LINGO2: variants seen among roughly 807,000 people sequenced by gnomAD.
The protein encoded by LINGO2 is leucine-rich repeat and immunoglobulin-like domain-containing nogo receptor-interacting protein 2.
Under a neutral mutation model 30.6 loss-of-function variants are expected in LINGO2, and 14 were observed. The observed-to-expected ratio is 0.46, with a 90% CI of 0.30 to 0.72. The LOEUF is 0.72. Among genes scored for constraint, LINGO2 ranks in the 30% least tolerant of loss-of-function variants. The pLI is 0.07. For synonymous variants in LINGO2, 317 were observed against 288.5 expected (o/e 1.10, Z -1.00); for missense variants, 729 against 751.7 (o/e 0.97, Z 0.35).
intron 4 of LINGO2, among the ~76,000 whole-genome samples, chr9:28,133,319 T>G (rs1330009028): frequency 2.6e-5 from 4 of 152,198 alleles, no homozygotes; most frequent in Admixed American, 1.3e-4. Flanking sequence ...GGTGATCTAT[T>G]ACTGTAGTTG....
chr9:29,040,729 T>TTA, the LINGO2 span, among the ~76,000 whole-genome samples: 4 of 152,038 alleles, frequency 2.6e-5, no homozygotes, highest in African/African-American at 9.6e-5. Flanking sequence ...ATTAGGATGT[T>TTA]ATTTCTAAAA....
At chr9:28,197,378 G>C (rs13301279) in intron 4 of LINGO2, among the ~76,000 whole-genome samples, 15,828 of 151,540 alleles carry the variant, frequency 0.1, 904 homozygotes, top group Middle Eastern at 0.16. Context: ...GTGTAGTAAA[G>C]ATTTAAAAAA....
chr9:28,740,149 T>C, the LINGO2 span, among the ~76,000 whole-genome samples: 1 of 150,846 alleles, frequency 6.6e-6, no homozygotes, highest in African/African-American at 2.5e-5. Flanking sequence ...TAAGAATTTC[T>C]TAGGTAAAAT....
intron 4 of LINGO2, among the ~76,000 whole-genome samples, chr9:28,177,715 T>C (rs751560203): frequency 5.3e-5 from 8 of 152,134 alleles, no homozygotes; most frequent in African/African-American, 9.7e-5. Context: ...GAAAAAGGAA[T>C]GGATTCAGAA....
chr9:28,691,411 A>G, the LINGO2 span, among the ~76,000 whole-genome samples: 1 of 152,158 alleles, frequency 6.6e-6, no homozygotes, highest in Non-Finnish European at 1.5e-5. Flanking sequence ...TTCCCACAAC[A>G]CAGTGAATGC....
chr9:28,995,571 G>A, the LINGO2 span, among the ~76,000 whole-genome samples: 33 of 152,078 alleles, frequency 2.2e-4, no homozygotes, highest in East Asian at 9.7e-4. Flanking sequence ...ACATGCGCAC[G>A]TATGTTTATT....
rs554179657 is a variant in LINGO2 at position 28,430,349 on chromosome 9, T to C, written c.-279+45591A>G. On this transcript the variant is annotated intron_variant, in intron 2 of 5. Coordinates refer to ENST00000379992, the Ensembl canonical transcript of LINGO2. ...CCTACAGCATAAAATTCAATCTTCC[T>C]AGTATGGCATATAAGATTTGTATAG... Among the ~76,000 whole-genome samples the C allele has an allele frequency of 2.0e-5, 3 of 152,264 alleles. No individual in the cohort carries two copies. The South Asian group carries it at 6.2e-4, about 32-fold the overall frequency.
chr9:28,616,925 G>C (rs1022272546), intron 1 of LINGO2, among the ~76,000 whole-genome samples: 1 of 152,064 alleles, frequency 6.6e-6, no homozygotes, highest in African/African-American at 2.4e-5. Context: ...ACAGAAACTA[G>C]GCCAGTACTG....
At chr9:28,199,071 A>T (rs1390878225) in intron 4 of LINGO2, among the ~76,000 whole-genome samples, 1 of 152,150 alleles carries the variant, frequency 6.6e-6, no homozygotes, top group Non-Finnish European at 1.5e-5. Context: ...CATCTGTAAT[A>T]CCATTTCTCA....
intron 4 of LINGO2, among the ~76,000 whole-genome samples, chr9:28,025,900 TAAA>T (rs1422428158): frequency 1.3e-5 from 2 of 152,082 alleles, no homozygotes; most frequent in Non-Finnish European, 2.9e-5. Context: ...AGTAGTAATT[TAAA>T]AATGCAAATC....
the LINGO2 span, among the ~76,000 whole-genome samples, chr9:28,868,593 G>T: frequency 2.8e-4 from 42 of 152,218 alleles, 1 homozygote; most frequent in African/African-American, 9.9e-4. Context: ...TAATTGTTTA[G>T]TTATTTGAAG....
Position 28,612,337 on chromosome 9 carries a change from A to G in LINGO2, c.-365+57863T>C, listed in dbSNP as rs369516912. Reference sequence around the variant, plus strand: ...CTCAGCATCCCAAAATGCTGGGAATATAGGCATCCGCCAGTGGCCCACATT... The same window carrying G: ...CTCAGCATCCCAAAATGCTGGGAATGTAGGCATCCGCCAGTGGCCCACATT... On this transcript the variant is annotated intron_variant, in intron 1 of 5. Coordinates refer to ENST00000379992, the Ensembl canonical transcript of LINGO2. Among the ~76,000 whole-genome samples the G allele has an allele frequency of 2.6e-4, 40 of 152,258 alleles. No homozygotes were observed. The South Asian group carries it at 7.7e-3, about 29-fold the overall frequency.
chr9:28,813,666 AACAG>A, the LINGO2 span, among the ~76,000 whole-genome samples: 7 of 152,334 alleles, frequency 4.6e-5, no homozygotes, highest in East Asian at 1.9e-4. Flanking sequence ...ACAGCGAATA[AACAG>A]ACAAACAAGG....
the LINGO2 span, among the ~76,000 whole-genome samples, chr9:29,077,582 C>CAAAGCAAA: frequency 6.9e-6 from 1 of 145,798 alleles, no homozygotes; most frequent in Non-Finnish European, 1.5e-5. Context: ...AAATATAAAA[C>CAAAGCAAA]AAAGCAAAAT....
intron 2 of LINGO2, among the ~76,000 whole-genome samples, chr9:28,419,830 A>G (rs1439287501): frequency 6.6e-6 from 1 of 152,036 alleles, no homozygotes; most frequent in Non-Finnish European, 1.5e-5. Context: ...ATATAAATTT[A>G]TTTTCAATTT....
At chr9:28,495,506 T>C (rs1362330754) in intron 1 of LINGO2, among the ~76,000 whole-genome samples, 1 of 152,168 alleles carries the variant, frequency 6.6e-6, no homozygotes, top group Non-Finnish European at 1.5e-5. Context: ...TTGTCAGGTT[T>C]GTCAAAGATC....
At chr9:28,175,956 T>A (rs1415573293) in intron 4 of LINGO2, among the ~76,000 whole-genome samples, 2 of 152,192 alleles carry the variant, frequency 1.3e-5, no homozygotes, top group Non-Finnish European at 2.9e-5. Flanking sequence ...TTTATACTGA[T>A]ATGACCTCAT....
intron 4 of LINGO2, among the ~76,000 whole-genome samples, chr9:28,025,083 G>A (rs1446041519): frequency 1.3e-5 from 2 of 152,152 alleles, no homozygotes; most frequent in African/African-American, 4.8e-5. Flanking sequence ...GGGCTGATGA[G>A]AATAATAATC....
At chr9:28,951,879 G>A in the LINGO2 span, among the ~76,000 whole-genome samples, 3 of 151,998 alleles carry the variant, frequency 2.0e-5, no homozygotes, top group South Asian at 4.2e-4. Context: ...AACAAGTATG[G>A]GACAAAGGAT....
Sources: allele counts gnomAD v4.1 joint callset (sites outside exome capture counted in the v4.1 genomes callset), GRCh38; gene constraint gnomAD v4.1.1; transcripts MANE v1.5; gene names NCBI Gene and HGNC (gene_info 2026-07-23, HGNC 2026-07-21).